PDE1C: variants seen among roughly 807,000 people sequenced by gnomAD.
PDE1C encodes the protein phosphodiesterase 1C.
Under a neutral mutation model 93.1 loss-of-function variants are expected in PDE1C, and 62 were observed. The observed-to-expected ratio is 0.67, with a 90% CI of 0.54 to 0.82. PDE1C has a LOEUF of 0.82. Ranked by LOEUF, PDE1C falls within the 40% of genes least tolerant of loss-of-function variation. The probability of loss-of-function intolerance (pLI) is 0.00; values close to 1 mark genes in which losing one functional copy is unlikely to be tolerated. For synonymous variants in PDE1C, 325 were observed against 310.1 expected (o/e 1.05, Z -0.50); for missense variants, 742 against 884.6 (o/e 0.84, Z 2.04).
intron 2 of PDE1C, among the ~76,000 whole-genome samples, chr7:31,936,699 T>C (rs1361319292): frequency 6.6e-6 from 1 of 152,182 alleles, no homozygotes; most frequent in East Asian, 1.9e-4. Flanking sequence ...CCAGGAATTT[T>C]AAAGGGGTAG....
At chr7:32,383,366 T>A (rs1447715492) in intron 1 of PDE1C, among the ~76,000 whole-genome samples, 1 of 152,242 alleles carries the variant, frequency 6.6e-6, no homozygotes, top group Non-Finnish European at 1.5e-5. Context: ...GTCCAAGCTC[T>A]GCTATTTAAT....
chr7:31,750,327 T>C (rs1429303935), downstream of PDE1C, among the ~76,000 whole-genome samples: 1 of 151,946 alleles, frequency 6.6e-6, no homozygotes, highest in African/African-American at 2.4e-5. Context: ...GGTGGAGAAA[T>C]TGTTGGAGGT....
At chr7:31,753,639 G>C in intron 17 of PDE1C, 86 bp from the exon 18 acceptor site, 1 of 1,465,898 alleles carries the variant, frequency 6.8e-7, no homozygotes, top group Non-Finnish European at 9.0e-7. Flanking sequence ...ACTTCCTCTA[G>C]ACCTGTTTGT....
chr7:31,790,606 C>G (rs748201476), intron 16 of PDE1C, among the ~76,000 whole-genome samples: 4 of 152,146 alleles, frequency 2.6e-5, no homozygotes, highest in Non-Finnish European at 5.9e-5. Flanking sequence ...TCTCAAGGGT[C>G]AGTGGGATTG....
chr7:31,736,216 T>C, the PDE1C span, among the ~76,000 whole-genome samples: 1 of 152,176 alleles, frequency 6.6e-6, no homozygotes, highest in African/African-American at 2.4e-5. Flanking sequence ...TACCAGCAGG[T>C]ACTCCCTGGA....
intron 6 of PDE1C, 142 bp downstream of exon 6, chr7:31,873,150 C>A: frequency 1.7e-6 from 1 of 596,430 alleles, no homozygotes; most frequent in Non-Finnish European, 3.0e-6. Context: ...GAATTCACAG[C>A]AGTGGCTATC....
At chr7:32,259,025 T>C (rs2128879513) in intron 1 of PDE1C, among the ~76,000 whole-genome samples, 2 of 152,198 alleles carry the variant, frequency 1.3e-5, no homozygotes, top group South Asian at 4.2e-4. Context: ...CACTTCATGG[T>C]TTGGACATTG....
chr7:31,944,457 G>GT (rs1322532602), intron 2 of PDE1C, among the ~76,000 whole-genome samples: 2 of 152,114 alleles, frequency 1.3e-5, no homozygotes, highest in Admixed American at 6.5e-5. Context: ...GGGATGATCG[G>GT]TTAGTAATTG....
At chr7:31,956,111 CT>C (rs67549702) in intron 2 of PDE1C, among the ~76,000 whole-genome samples, 20 of 148,760 alleles carry the variant, frequency 1.3e-4, no homozygotes, top group South Asian at 2.1e-4. Context: ...TTTCTCCCCG[CT>C]TTTTTTTTTG....
At chr7:32,342,416 G>T (rs531056178) in intron 1 of PDE1C, among the ~76,000 whole-genome samples, 1 of 152,092 alleles carries the variant, frequency 6.6e-6, no homozygotes, top group Non-Finnish European at 1.5e-5. Flanking sequence ...TCAAAGTCAT[G>T]TATTATCTTG....
At chr7:32,305,893 G>C (rs1014583006) in intron 1 of PDE1C, among the ~76,000 whole-genome samples, 2 of 152,242 alleles carry the variant, frequency 1.3e-5, no homozygotes, top group Non-Finnish European at 2.9e-5. Flanking sequence ...CCCTCGGTCA[G>C]GCATTTATAT....
chr7:31,671,074 T>C, the PDE1C span, among the ~76,000 whole-genome samples: 1 of 152,148 alleles, frequency 6.6e-6, no homozygotes, highest in East Asian at 1.9e-4. Context: ...ATCCCCCACA[T>C]TTGCCATCTC....
At chr7:32,109,338 T>C (rs2128754464) in intron 3 of PDE1C, among the ~76,000 whole-genome samples, 1 of 152,336 alleles carries the variant, frequency 6.6e-6, no homozygotes, top group African/African-American at 2.4e-5. Context: ...GGACAGATGT[T>C]TATCACTGAG....
Position 31,880,828 on chromosome 7 carries a change from CCT to C in PDE1C, c.159_160del (p.Glu55SerfsTer7). On this transcript the variant is annotated frameshift_variant, in exon 3 of 18. Transcript: ENST00000396191. LOFTEE classifies it high-confidence loss of function. ...CTTAAGATCTACCACTGAAGCTTCC[CCT>C]CTCTCTAATTGTTTGACCAAAGACC... is the stretch of plus-strand genomic sequence containing the variant. The C allele has an allele frequency of 1.2e-6, 2 of 1,611,024 alleles. No individual in the cohort carries two copies. Among genetic ancestry groups the C allele is most frequent in the Non-Finnish European group, 1.7e-6 (2 of 1,177,410 alleles).
intron 17 of PDE1C, among the ~76,000 whole-genome samples, chr7:31,755,026 T>A (rs1339341980): frequency 7.2e-5 from 11 of 152,194 alleles, no homozygotes; most frequent in Non-Finnish European, 1.3e-4. Context: ...AGTAACCTTG[T>A]ATATGAACAG....
At chr7:31,808,550 T>C (rs1738326385) in intron 16 of PDE1C, among the ~76,000 whole-genome samples, 1 of 151,930 alleles carries the variant, frequency 6.6e-6, no homozygotes, top group Admixed American at 6.6e-5. Flanking sequence ...ATATGCTGCC[T>C]CCCAACATTA....
intron 2 of PDE1C, among the ~76,000 whole-genome samples, chr7:31,925,110 TGA>T (rs1010628739): frequency 6.7e-6 from 1 of 149,690 alleles, no homozygotes; most frequent in Non-Finnish European, 1.5e-5. Flanking sequence ...TGAGTGTGTG[TGA>T]GAGAGAGATG....
chr7:31,779,868 G>T (rs1208322635), intron 16 of PDE1C, among the ~76,000 whole-genome samples: 2 of 152,110 alleles, frequency 1.3e-5, no homozygotes, highest in African/African-American at 4.8e-5. Context: ...ATTTTCTAAA[G>T]CCCTTCGCAC....
At chr7:31,755,938 G>T (rs998222166) in intron 17 of PDE1C, among the ~76,000 whole-genome samples, 1 of 152,182 alleles carries the variant, frequency 6.6e-6, no homozygotes, top group Non-Finnish European at 1.5e-5. Context: ...GGCCGAGGCT[G>T]GCAGATCACT....
Sources: gnomAD v4.1 joint callset for allele counts (sites outside exome capture counted in the v4.1 genomes callset) on GRCh38, gnomAD v4.1.1 for gene constraint, MANE v1.5 for transcripts, NCBI Gene and HGNC (gene_info 2026-07-23, HGNC 2026-07-21) for gene names.